ZMIZ1: variants seen among roughly 807,000 people sequenced by gnomAD.
ZMIZ1 encodes zinc finger MIZ-type containing 1, also known as zinc finger MIZ domain-containing protein 1.
ZMIZ1 carries 17 observed loss-of-function variants against 113.9 expected under a neutral mutation model. The ratio of observed to expected loss-of-function variants is 0.15; its 90% CI spans 0.10 to 0.22. The LOEUF (loss-of-function observed/expected upper bound fraction) is 0.22. Among genes scored for constraint, ZMIZ1 ranks in the 10% least tolerant of loss-of-function variants. The probability of loss-of-function intolerance (pLI) is 1.00; values close to 1 mark genes in which losing one functional copy is unlikely to be tolerated. For synonymous variants in ZMIZ1, 607 were observed against 603.1 expected (o/e 1.01, Z -0.09); for missense variants, 1,059 against 1,477.8 (o/e 0.72, Z 4.65).
chr10:79,264,431 A>T (rs1851464851), intron 7 of ZMIZ1, among the ~76,000 whole-genome samples: 1 of 152,116 alleles, frequency 6.6e-6, no homozygotes, highest in Admixed American at 6.5e-5. Context: ...AGGGACTGTA[A>T]CCACCCATCC....
At chr10:79,232,062 C>G (rs1849415704) in intron 7 of ZMIZ1, among the ~76,000 whole-genome samples, 1 of 152,188 alleles carries the variant, frequency 6.6e-6, no homozygotes, top group East Asian at 1.9e-4. Flanking sequence ...TTGAGCTTGC[C>G]TCCTGCTCTC....
At chr10:79,255,588 C>G (rs980475165) in intron 7 of ZMIZ1, among the ~76,000 whole-genome samples, 1 of 152,136 alleles carries the variant, frequency 6.6e-6, no homozygotes, top group Non-Finnish European at 1.5e-5. Context: ...TCTGTGCTCT[C>G]CAAGTGTACC....
chr10:79,305,887 G>T (rs1854657447), intron 21 of ZMIZ1, among the ~76,000 whole-genome samples: 1 of 152,210 alleles, frequency 6.6e-6, no homozygotes, highest in Admixed American at 6.5e-5. Flanking sequence ...CAGCTGCCCT[G>T]TGCCCAGCCA....
Position 79,181,883 on chromosome 10 carries a change from G to A in ZMIZ1, c.-49-19701G>A, listed in dbSNP as rs1436939320. ...GCCACCACCACCACAGCCACCGCCC[G>A]GCTCCCCACCGGCAGCTGAGGGCGG... On this transcript the variant is annotated intron_variant, in intron 4 of 24. Transcript: ENST00000334512. Among the ~76,000 whole-genome samples, 11 of 152,262 alleles carry A rather than the reference G, an allele frequency of 7.2e-5. No homozygotes were observed. In the East Asian group the frequency reaches 7.7e-4, roughly 11 times the overall value.
intron 1 of ZMIZ1, among the ~76,000 whole-genome samples, chr10:79,088,227 T>C (rs1842874169): frequency 6.6e-6 from 1 of 152,248 alleles, no homozygotes; most frequent in Admixed American, 6.5e-5. Context: ...TGAGGATACC[T>C]GTGAGCTTGC....
Position 79,293,497 on chromosome 10 carries a change from G to A in ZMIZ1, c.1074G>A (p.Ser358=), listed in dbSNP as rs960725974. ...PASMAAGMTP[S]GMSGPPMGMN... ...GCATGGCGGCTGGCATGACGCCCTC[G>A]GGGATGAGCGGCCCTCCCATGGGCA... is the stretch of plus-strand genomic sequence containing the variant. The change falls in exon 12 of 25, where the codon TCG becomes TCA. Residue 358 remains serine, a synonymous_variant. Coordinates refer to ENST00000334512, the MANE Select transcript of ZMIZ1 (RefSeq NM_020338.4). 25 of 1,590,796 alleles carry A rather than the reference G, an allele frequency of 1.6e-5. No homozygotes were observed. Among genetic ancestry groups the A allele is most frequent in the African/African-American group, 2.7e-5 (2 of 74,434 alleles).
At chr10:79,090,531 G>C (rs1842954105) in intron 1 of ZMIZ1, among the ~76,000 whole-genome samples, 1 of 152,164 alleles carries the variant, frequency 6.6e-6, no homozygotes, top group African/African-American at 2.4e-5. Context: ...TGGCATGTGG[G>C]ATCCCGTTTA....
Position 79,311,101 on chromosome 10 carries a change from G to T in ZMIZ1, c.3013G>T (p.Asp1005Tyr). 6.2e-7 allele frequency: 1 copy of T among 1,613,680 alleles called. No homozygotes were observed. Among genetic ancestry groups the T allele is most frequent in the South Asian group, 1.1e-5 (1 of 91,084 alleles). ...QAAPSSHPHS[D>Y]LTFNPSSALE... ...CGCTCCCAGCAGCCATCCACACAGCGACCTGACCTTTAACCCCTCCTCAGC... is the reference window on the plus strand; with the variant it reads ...CGCTCCCAGCAGCCATCCACACAGCTACCTGACCTTTAACCCCTCCTCAGC... Residue 1005 changes from aspartate (D) to tyrosine (Y), a missense_variant, in exon 24 of 25, where the codon GAC (aspartate) becomes TAC (tyrosine). By Grantham distance (160) the Asp-to-Tyr change is radical. Coordinates refer to ENST00000334512, the MANE Select transcript of ZMIZ1 (RefSeq NM_020338.4).
chr10:79,302,892 T>C (rs1854422299), intron 18 of ZMIZ1, among the ~76,000 whole-genome samples: 1 of 136,762 alleles, frequency 7.3e-6, no homozygotes, highest in Non-Finnish European at 1.6e-5. Flanking sequence ...GACGGAGTCT[T>C]GCTCTGTCGT....
intron 2 of ZMIZ1, among the ~76,000 whole-genome samples, chr10:79,127,781 A>G (rs1361613177): frequency 6.6e-6 from 1 of 152,072 alleles, no homozygotes; most frequent in Non-Finnish European, 1.5e-5. Flanking sequence ...CCAGCAGGAG[A>G]GGCCACCAGT....
In ZMIZ1 at chr10:79,298,567, GCCA is replaced by G. The variant is rs1201992053; in HGVS notation, c.1659_1661del (p.Pro555del). On this transcript the variant is annotated inframe_deletion, in exon 15 of 25. Coordinates refer to ENST00000334512, the MANE Select transcript of ZMIZ1 (RefSeq NM_020338.4). ...ACATCAAGCCAAATATGAGCGCTCT[GCCA>G]CCACCCCCAGGTGAGGGCCCTCCCT... 6.3e-7 allele frequency: 1 copy of G among 1,598,644 alleles called. No homozygotes were observed. Among genetic ancestry groups the G allele is most frequent in the Non-Finnish European group, 8.5e-7 (1 of 1,174,082 alleles).
intron 1 of ZMIZ1, among the ~76,000 whole-genome samples, chr10:79,085,978 C>T (rs1842800746): frequency 6.6e-6 from 1 of 152,182 alleles, no homozygotes; most frequent in African/African-American, 2.4e-5. Flanking sequence ...CATCAGCTTC[C>T]TGACCCTGAC....
chr10:79,196,133 G>A (rs1847822868), intron 4 of ZMIZ1, among the ~76,000 whole-genome samples: 1 of 152,124 alleles, frequency 6.6e-6, no homozygotes, highest in Non-Finnish European at 1.5e-5. Flanking sequence ...GTTAGTAACC[G>A]CAGTTCTCCA....
intron 5 of ZMIZ1, among the ~76,000 whole-genome samples, chr10:79,203,751 C>A (rs376608753): frequency 3.6e-4 from 55 of 152,372 alleles, no homozygotes; most frequent in African/African-American, 1.3e-3. Flanking sequence ...GCTCAGTCAC[C>A]ATTCCGTCGC....
chr10:79,146,172 C>T (rs1157167746), intron 3 of ZMIZ1, among the ~76,000 whole-genome samples: 1 of 152,108 alleles, frequency 6.6e-6, no homozygotes, highest in Non-Finnish European at 1.5e-5. Context: ...TTTCCCGCTC[C>T]CCACTCTCCA....
intron 2 of ZMIZ1, among the ~76,000 whole-genome samples, chr10:79,125,927 T>G (rs571936013): frequency 6.6e-6 from 1 of 152,240 alleles, no homozygotes; most frequent in South Asian, 2.1e-4. Context: ...GTGCAGAGGC[T>G]GGCAGGGGCA....
chr10:79,201,508 A>T lies in ZMIZ1; in HGVS notation c.-49-76A>T. 5 of 1,079,520 alleles carry T rather than the reference A, an allele frequency of 4.6e-6. No individual in the cohort carries two copies. The Admixed American group carries it at 9.1e-5, about 20-fold the overall frequency. 66.9% of individuals were successfully genotyped at this position (1,079,520 alleles called of 1,614,324 possible). Reference sequence around the variant, plus strand: ...TCTGGAACCTGCCAGTGTTGTGGCCAGAGGGCAGTTGGGAGGCTGCTCAAG... The same window carrying T: ...TCTGGAACCTGCCAGTGTTGTGGCCTGAGGGCAGTTGGGAGGCTGCTCAAG... On this transcript the variant is annotated intron_variant, in intron 4 of 24. Coordinates refer to ENST00000334512, the MANE Select transcript of ZMIZ1 (RefSeq NM_020338.4).
intron 24 of ZMIZ1, 114 bp downstream of exon 24, chr10:79,311,298 CGGTGGG>C: frequency 2.9e-4 from 38 of 131,380 alleles, no homozygotes; most frequent in East Asian, 1.2e-3. Context: ...GGTGGGTGGG[CGGTGGG>C]AGGGCTTCAC....
Position 79,289,494 on chromosome 10 carries a change from A to G in ZMIZ1, c.426-281A>G, listed in dbSNP as rs371880430. ...CAGGTCACACCACTTCATCAGTTGC[A>G]TGACCTGTGGACTCGGGGATACAGG... On this transcript the variant is annotated intron_variant, in intron 8 of 24. Transcript: ENST00000334512. 3.7e-4 allele frequency among the ~76,000 whole-genome samples: 56 copies of G among 152,346 alleles called. 1 individual carries two copies. The highest frequency in any genetic ancestry group is 1.1e-3 in the African/African-American group (46 of 41,590).
Sources: gnomAD v4.1 joint callset for allele counts (sites outside exome capture counted in the v4.1 genomes callset) on GRCh38, gnomAD v4.1.1 for gene constraint, MANE v1.5 for transcripts, NCBI Gene and HGNC (gene_info 2026-07-23, HGNC 2026-07-21) for gene names.